Variants in CNTNAP2 observed in about 807,000 individuals in gnomAD.
CNTNAP2 encodes the protein contactin associated protein 2, also known as contactin-associated protein-like 2.
In CNTNAP2, 98 loss-of-function variants were observed where a neutral mutation model predicts 155.2. The observed-to-expected ratio is 0.63, with a 90% CI of 0.54 to 0.75. The LOEUF (loss-of-function observed/expected upper bound fraction) is 0.75, where lower values mean the gene tolerates loss of function less well. CNTNAP2 is among the 30% of genes least tolerant of loss of function. The pLI, the probability that CNTNAP2 is intolerant of heterozygous loss-of-function variation, is 0.00. For missense variants in CNTNAP2, 1,727 were observed against 1,688.1 expected (o/e 1.02, Z -0.40); for synonymous variants, 651 against 631.2 (o/e 1.03, Z -0.47).
In CNTNAP2 at chr7:146,131,917, G is replaced by A. The variant is rs540245653; in HGVS notation, c.97+14944G>A. ...AAAGTGGCAGTTGTTTCCTGTGCTCGAATTTACTCTCTCCTGCCACCTTGT... is the reference window on the plus strand; with the variant it reads ...AAAGTGGCAGTTGTTTCCTGTGCTCAAATTTACTCTCTCCTGCCACCTTGT... On this transcript the variant is annotated intron_variant, in intron 1 of 23. Coordinates refer to ENST00000361727, the MANE Select transcript of CNTNAP2 (RefSeq NM_014141.6). Among the ~76,000 whole-genome samples, 32 of 152,196 alleles carry A rather than the reference G, an allele frequency of 2.1e-4. No individual in the cohort carries two copies. In the East Asian group the frequency reaches 5.6e-3, roughly 27 times the overall value.
intron 21 of CNTNAP2, among the ~76,000 whole-genome samples, chr7:148,318,604 C>G (rs1797732446): frequency 6.6e-6 from 1 of 152,132 alleles, no homozygotes; most frequent in Non-Finnish European, 1.5e-5. Flanking sequence ...GTCCCACCTA[C>G]CCAAAAGCAT....
intron 14 of CNTNAP2, among the ~76,000 whole-genome samples, chr7:147,968,689 C>CAA: frequency 6.6e-6 from 1 of 152,214 alleles, no homozygotes; most frequent in South Asian, 2.1e-4. Flanking sequence ...CCATGGGTTT[C>CAA]CCTTTTAAGA....
intron 3 of CNTNAP2, among the ~76,000 whole-genome samples, chr7:146,947,404 C>CTA (rs1415818053): frequency 7.6e-6 from 1 of 131,752 alleles, no homozygotes; most frequent in South Asian, 2.4e-4. Context: ...CTCTCTCTCT[C>CTA]TCTCTCTATA....
intron 3 of CNTNAP2, among the ~76,000 whole-genome samples, chr7:146,973,082 G>A (rs1797835257): frequency 6.6e-6 from 1 of 152,136 alleles, no homozygotes; most frequent in African/African-American, 2.4e-5. Flanking sequence ...AGGCTGGAGT[G>A]CAATGGCACG....
At chr7:147,578,452 C>G (rs1800438676) in intron 12 of CNTNAP2, among the ~76,000 whole-genome samples, 1 of 152,008 alleles carries the variant, frequency 6.6e-6, no homozygotes, top group African/African-American at 2.4e-5. Context: ...GCTCTACAGA[C>G]ATGACCTTAT....
intron 9 of CNTNAP2, among the ~76,000 whole-genome samples, chr7:147,321,920 A>G (rs1795358616): frequency 6.6e-6 from 1 of 152,166 alleles, no homozygotes; most frequent in African/African-American, 2.4e-5. Context: ...CAGCTTGAGT[A>G]ACAGAGACTG....
At chr7:147,764,217 A>C (rs1797350864) in intron 13 of CNTNAP2, among the ~76,000 whole-genome samples, 1 of 152,112 alleles carries the variant, frequency 6.6e-6, no homozygotes, top group Admixed American at 6.5e-5. Flanking sequence ...CAGCCACCAG[A>C]GCCCAGCCTC....
chr7:147,405,818 A>G (rs7788729), intron 10 of CNTNAP2, among the ~76,000 whole-genome samples: 71,509 of 151,942 alleles, frequency 0.47, 19,620 homozygotes, highest in African/African-American at 0.77. Context: ...TGGCGATTTT[A>G]GTTTTCGCTG....
chr7:147,681,075 C>T (rs1490204104), intron 13 of CNTNAP2, among the ~76,000 whole-genome samples: 2 of 151,922 alleles, frequency 1.3e-5, no homozygotes, highest in African/African-American at 2.4e-5. Flanking sequence ...TTCAGGTTTT[C>T]ATAGTCGTAA....
intron 8 of CNTNAP2, among the ~76,000 whole-genome samples, chr7:147,167,813 T>C (rs1802145025): frequency 6.6e-6 from 1 of 152,166 alleles, no homozygotes; most frequent in African/African-American, 2.4e-5. Flanking sequence ...TGATTCCTTC[T>C]TGAGTTTCAA....
intron 14 of CNTNAP2, among the ~76,000 whole-genome samples, chr7:147,914,555 AAAAG>A (rs1359663901): frequency 7.2e-5 from 11 of 151,908 alleles, no homozygotes; most frequent in Admixed American, 1.3e-4. Context: ...AAAAAAAAAA[AAAAG>A]AAAGAAAAAA....
At chr7:147,002,419 G>T (rs917986143) in intron 3 of CNTNAP2, among the ~76,000 whole-genome samples, 1 of 152,030 alleles carries the variant, frequency 6.6e-6, no homozygotes, top group African/African-American at 2.4e-5. Flanking sequence ...TAATCCAGTT[G>T]TGCCTATAGA....
chr7:146,986,268 C>T (rs1798112910), intron 3 of CNTNAP2, among the ~76,000 whole-genome samples: 1 of 152,114 alleles, frequency 6.6e-6, no homozygotes, highest in African/African-American at 2.4e-5. Flanking sequence ...TTTTCCATTC[C>T]CGAGTTACTT....
At chr7:148,182,382 G>A (rs568716323) in intron 18 of CNTNAP2, among the ~76,000 whole-genome samples, 92 of 152,072 alleles carry the variant, frequency 6.0e-4, no homozygotes, top group African/African-American at 2.0e-3. Context: ...ATTCACCAAC[G>A]TCCACGCTGC....
At chr7:147,007,735 C>A (rs1279054557) in intron 3 of CNTNAP2, among the ~76,000 whole-genome samples, 1 of 151,862 alleles carries the variant, frequency 6.6e-6, no homozygotes, top group Non-Finnish European at 1.5e-5. Flanking sequence ...AATATCTGAG[C>A]ATATTTAATT....
intron 1 of CNTNAP2, among the ~76,000 whole-genome samples, chr7:146,692,143 T>C (rs1422349105): frequency 1.3e-5 from 2 of 152,162 alleles, no homozygotes; most frequent in Non-Finnish European, 2.9e-5. Context: ...CTGTCATCTC[T>C]GCAGTCTTAC....
At chr7:147,245,107 G>A (rs34346538) in intron 8 of CNTNAP2, among the ~76,000 whole-genome samples, 3 of 151,946 alleles carry the variant, frequency 2.0e-5, no homozygotes, top group Admixed American at 6.6e-5. Flanking sequence ...ATACTTAGAC[G>A]ACTTCAAAAA....
At chr7:146,658,547 G>A (rs1314999208) in intron 1 of CNTNAP2, among the ~76,000 whole-genome samples, 2 of 152,138 alleles carry the variant, frequency 1.3e-5, no homozygotes, top group Non-Finnish European at 2.9e-5. Flanking sequence ...GGAGACAATG[G>A]CATGAAAAGG....
chr7:146,483,126 A>T (rs887427671), intron 1 of CNTNAP2, among the ~76,000 whole-genome samples: 1 of 150,258 alleles, frequency 6.7e-6, no homozygotes, highest in African/African-American at 2.4e-5. Flanking sequence ...AATACAAAAA[A>T]TTAGCCGGGC....
Sources: gnomAD v4.1 joint callset for allele counts (sites outside exome capture counted in the v4.1 genomes callset) on GRCh38, gnomAD v4.1.1 for gene constraint, MANE v1.5 for transcripts, NCBI Gene and HGNC (gene_info 2026-07-23, HGNC 2026-07-21) for gene names.